Variants in TUG1 observed in about 807,000 individuals in gnomAD.
TUG1 encodes taurine up-regulated 1.
chr22:30,970,911 G>A (rs1487049051), exon 1 of TUG1: 3 of 152,212 alleles, frequency 2.0e-5, no homozygotes, highest in African/African-American at 7.2e-5. Flanking sequence ...AGTAGATTTG[G>A]AAGTGATTCA....
chr22:30,973,642 C>A (rs1042475744), intron 2 of TUG1, 55 bp downstream of exon 2: 1 of 152,194 alleles, frequency 6.6e-6, no homozygotes, highest in African/African-American at 2.4e-5. Flanking sequence ...AGTTTCAAAG[C>A]ACTTGTACGT....
exon 1 of TUG1, chr22:30,970,180 T>C (rs2041211932): frequency 6.6e-6 from 1 of 152,100 alleles, no homozygotes; most frequent in Non-Finnish European, 1.5e-5. Context: ...GGGGGAATGA[T>C]GGGAATTTGT....
chr22:30,976,483 A>T (rs1193933693), exon 3 of TUG1: 1 of 152,226 alleles, frequency 6.6e-6, no homozygotes, highest in African/African-American at 2.4e-5. Context: ...TTTTATCGGT[A>T]GACTTAAGAG....
chr22:30,978,250 A>G (rs1333112954), exon 3 of TUG1: 1 of 152,222 alleles, frequency 6.6e-6, no homozygotes, highest in Non-Finnish European at 1.5e-5. Flanking sequence ...TTCATCCAAC[A>G]TATGCTATTG....
At chr22:30,976,293 T>C (rs2147369051) in exon 3 of TUG1, 2 of 152,312 alleles carry the variant, frequency 1.3e-5, no homozygotes, top group Middle Eastern at 6.8e-3. Context: ...AGATGTTCTT[T>C]TAAGATGAAT....
At chr22:30,970,324 C>G (rs2041214349) in exon 1 of TUG1, 2 of 152,202 alleles carry the variant, frequency 1.3e-5, no homozygotes, top group South Asian at 4.1e-4. Context: ...TCATTTGGGA[C>G]CCTTCACAAC....
At position 30,977,425 on chromosome 22, in the gene TUG1, C is replaced by G. The variant is rs181331496; in HGVS notation, c.*4950C>G. The G allele has an allele frequency of 1.4e-4, 21 of 152,326 alleles. No homozygotes were observed. The East Asian group carries it at 3.9e-3, about 28-fold the overall frequency. 9.4% of individuals were successfully genotyped at this position (152,326 alleles called of 1,614,324 possible). A position where few individuals can be genotyped will look rare whatever the true frequency, so the allele number is the denominator to read the frequency against. On this transcript the variant is annotated 3_prime_UTR_variant, in exon 3 of 3. Transcript: ENST00000644773. ...CCCAGATGTAGCATAGACTCCTAAA[C>G]AGAACCTCAAGTCTGATTGAGGATA...
exon 1 of TUG1, chr22:30,971,775 T>G (rs2041233472): frequency 6.5e-6 from 1 of 152,676 alleles, no homozygotes; most frequent in African/African-American, 2.4e-5. Flanking sequence ...CCAAAGTGAA[T>G]TATGGTACTT....
At chr22:30,970,076 TAGC>T (rs1404927977) in exon 1 of TUG1, 2 of 152,152 alleles carry the variant, frequency 1.3e-5, no homozygotes, top group African/African-American at 4.8e-5. Flanking sequence ...TAAGAAAACT[TAGC>T]AGTTCCCCAA....
At chr22:30,970,508 A>T (rs2041216832) in exon 1 of TUG1, 1 of 152,232 alleles carries the variant, frequency 6.6e-6, no homozygotes, top group Non-Finnish European at 1.5e-5. Flanking sequence ...AGTGTAAAGC[A>T]GCTACAATTA....
At chr22:30,975,410 T>C (rs1221389913) in exon 3 of TUG1, 1 of 152,286 alleles carries the variant, frequency 6.6e-6, no homozygotes, top group Non-Finnish European at 1.5e-5. Context: ...TGAAAACCAC[T>C]GCCCCAGACA....
At chr22:30,976,365 G>C (rs1001525510) in exon 3 of TUG1, 34 of 152,152 alleles carry the variant, frequency 2.2e-4, no homozygotes, top group Admixed American at 1.8e-3. Context: ...GGCCCTTTGA[G>C]CAGGCCATTA....
exon 2 of TUG1, chr22:30,973,259 G>A (rs928242497): frequency 1.3e-5 from 2 of 152,178 alleles, no homozygotes; most frequent in African/African-American, 4.8e-5. Flanking sequence ...TCTGAAGAAA[G>A]GCAACATCTT....
chr22:30,972,097 C>G (rs527799428), intron 1 of TUG1: 12 of 152,220 alleles, frequency 7.9e-5, no homozygotes, highest in Admixed American at 4.6e-4. Context: ...TCTTTGCCCA[C>G]ATACACCACA....
At chr22:30,977,265 A>G (rs1400955302) in exon 3 of TUG1, 1 of 152,218 alleles carries the variant, frequency 6.6e-6, no homozygotes, top group Non-Finnish European at 1.5e-5. Context: ...GAACAGCACC[A>G]TTCAACCAAT....
intron 2 of TUG1, 162 bp from the exon 3 acceptor site, chr22:30,975,008 T>A (rs754955797): frequency 6.6e-6 from 1 of 152,242 alleles, no homozygotes; most frequent in Non-Finnish European, 1.5e-5. Flanking sequence ...TGATAGATAC[T>A]TACAAGCCCA....
chr22:30,975,994 C>T (rs1000808730), exon 3 of TUG1: 2 of 150,700 alleles, frequency 1.3e-5, no homozygotes, highest in Admixed American at 6.6e-5. Context: ...CAACCAGTAG[C>T]AGTTATATTG....
At chr22:30,971,397 A>G (rs925800822) in exon 1 of TUG1, 13 of 151,918 alleles carry the variant, frequency 8.6e-5, no homozygotes. Context: ...GAAAGGAGGG[A>G]AAAAAAACAA....
rs1450550341 is a variant in TUG1, at chr22:30,974,046, AAC to A, written c.*2694+463_*2694+464del. On this transcript the variant is annotated intron_variant, in intron 2 of 2. Coordinates refer to ENST00000644773, the Ensembl canonical transcript of TUG1. ...CTAACAGCAAAGCTACCCAATATGAAACACAAAGCTACTTTTAGATTTTTTAA... is the reference window on the plus strand; with the variant it reads ...CTAACAGCAAAGCTACCCAATATGAAACAAAGCTACTTTTAGATTTTTTAA... The A allele has an allele frequency of 2.0e-5, 3 of 152,300 alleles. No individual in the cohort carries two copies. The East Asian group carries it at 5.8e-4, about 29-fold the overall frequency. 9.4% of individuals were successfully genotyped at this position (152,300 alleles called of 1,614,324 possible).
Sources: gnomAD v4.1 joint callset for allele counts on GRCh38, gnomAD v4.1.1 for gene constraint, MANE v1.5 for transcripts, NCBI Gene and HGNC (gene_info 2026-07-23, HGNC 2026-07-21) for gene names.